Variants in UTY observed in about 807,000 individuals in gnomAD.
UTY encodes the protein ubiquitously transcribed tetratricopeptide repeat containing, Y-linked, also known as histone demethylase UTY.
Under a neutral mutation model 32.5 loss-of-function variants are expected in UTY, and 12 were observed. The observed-to-expected ratio is 0.37, with a 90% confidence interval of 0.24 to 0.60. UTY has a LOEUF of 0.60. Ranked by LOEUF, UTY falls within the 20% of genes least tolerant of loss-of-function variation. The probability of loss-of-function intolerance (pLI) is 0.69; values close to 1 mark genes in which losing one functional copy is unlikely to be tolerated. For missense variants in UTY, 303 were observed against 299.2 expected, an observed-to-expected ratio of 1.01 and a Z score of -0.09; for synonymous variants, 131 against 103.4, an observed-to-expected ratio of 1.27 and a Z score of -1.62.
At chrY:13,342,439 C>T (rs2061558440) in intron 17 of UTY, among the ~76,000 whole-genome samples, 2 of 33,759 alleles carry the variant, frequency 5.9e-5, no homozygotes, top group Admixed American at 2.7e-4. Flanking sequence ...ACTGCTTGGG[C>T]GAATTCCTGC....
At chrY:13,471,392 A>G (rs2078458517) in intron 2 of UTY, among the ~76,000 whole-genome samples, 1 of 33,602 alleles carries the variant, frequency 3.0e-5, no homozygotes, top group African/African-American at 1.2e-4. Context: ...CTCTTTCTGA[A>G]TTACTAAACC....
intron 27 of UTY, among the ~76,000 whole-genome samples, chrY:13,267,532 T>C: frequency 6.0e-5 from 2 of 33,334 alleles, no homozygotes; most frequent in Non-Finnish European, 1.5e-4. Context: ...TCATTTAAGG[T>C]TAATATTGTT....
At chrY:13,326,414 A>C in intron 18 of UTY, 64 bp from the exon 19 acceptor site, 1 of 319,876 alleles carries the variant, frequency 3.1e-6, no homozygotes, top group Non-Finnish European at 4.5e-6. Flanking sequence ...AAAAAAAAGA[A>C]AATCTGAATT....
chrY:13,294,774 G>A, intron 27 of UTY, among the ~76,000 whole-genome samples: 1 of 33,981 alleles, frequency 2.9e-5, no homozygotes, highest in Admixed American at 2.6e-4. Flanking sequence ...AGAAATACCT[G>A]AGGCTGGGGG....
At chrY:13,265,177 T>C (rs2055667148) in intron 27 of UTY, among the ~76,000 whole-genome samples, 1 of 33,851 alleles carries the variant, frequency 3.0e-5, no homozygotes, top group Non-Finnish European at 7.3e-5. Context: ...GGTAGTGTGA[T>C]GTTTCCAGCT....
chrY:13,331,228 C>T (rs756515558), intron 18 of UTY, among the ~76,000 whole-genome samples: 7 of 33,853 alleles, frequency 2.1e-4, no homozygotes, highest in Middle Eastern at 0.014. Context: ...GGAGAGACCT[C>T]ACACAGGACT....
intron 2 of UTY, among the ~76,000 whole-genome samples, chrY:13,473,392 A>G: frequency 5.9e-5 from 2 of 33,776 alleles, no homozygotes; most frequent in Non-Finnish European, 1.5e-4. Context: ...TCATATTCCC[A>G]GATAAACAAA....
chrY:13,369,880 G>A, intron 8 of UTY, among the ~76,000 whole-genome samples: 1 of 33,623 alleles, frequency 3.0e-5, no homozygotes. Context: ...AATAGATCAA[G>A]TACCACTATT....
At chrY:13,364,322 T>C in intron 10 of UTY, among the ~76,000 whole-genome samples, 1 of 32,789 alleles carries the variant, frequency 3.0e-5, no homozygotes, top group South Asian at 6.7e-4. Context: ...ACAGTTATAA[T>C]TGAATCCTCT....
chrY:13,350,444 C>T (rs1603428813), intron 17 of UTY, among the ~76,000 whole-genome samples: 1 of 32,428 alleles, frequency 3.1e-5, no homozygotes, highest in Non-Finnish European at 7.6e-5. Context: ...TCCTATATAC[C>T]GAACACAGCT....
chrY:13,465,576 T>C, intron 3 of UTY, among the ~76,000 whole-genome samples: 5 of 33,602 alleles, frequency 1.5e-4, no homozygotes, highest in Non-Finnish European at 2.9e-4. Flanking sequence ...AGCAAATTCA[T>C]TGTTTTATAC....
intron 21 of UTY, among the ~76,000 whole-genome samples, chrY:13,314,833 G>A: frequency 1.5e-4 from 5 of 33,966 alleles, no homozygotes; most frequent in Admixed American, 1.3e-3. Flanking sequence ...TAAATAAACT[G>A]GACTTCACAA....
At chrY:13,334,038 A>G (rs2149029980) in intron 18 of UTY, among the ~76,000 whole-genome samples, 1 of 33,617 alleles carries the variant, frequency 3.0e-5, no homozygotes, top group South Asian at 6.7e-4. Context: ...ATTGAGCACA[A>G]AAGAGATTCA....
intron 16 of UTY, chrY:13,355,624 A>T: frequency 2.8e-6 from 1 of 352,132 alleles, no homozygotes; most frequent in Non-Finnish European, 3.9e-6. Flanking sequence ...ATAAATAATG[A>T]TTCAAAAACT....
At chrY:13,335,479 T>C in intron 18 of UTY, 84 bp downstream of exon 18, 1 of 310,465 alleles carries the variant, frequency 3.2e-6, no homozygotes, top group Middle Eastern at 9.0e-4. Context: ...GTTACATTTC[T>C]TAACATATCA....
At chrY:13,284,408 G>A in intron 27 of UTY, among the ~76,000 whole-genome samples, 1 of 33,795 alleles carries the variant, frequency 3.0e-5, no homozygotes, top group African/African-American at 1.1e-4. Flanking sequence ...AGTTAAAAAA[G>A]TATCATCCAG....
chrY:13,435,950 T>C (rs2074510760), intron 4 of UTY, among the ~76,000 whole-genome samples: 1 of 32,838 alleles, frequency 3.0e-5, no homozygotes, highest in Non-Finnish European at 7.5e-5. Context: ...ACACAAATCG[T>C]GCCCTACCAG....
intron 10 of UTY, among the ~76,000 whole-genome samples, chrY:13,365,095 G>A: frequency 3.0e-5 from 1 of 33,291 alleles, no homozygotes; most frequent in Non-Finnish European, 7.4e-5. Context: ...TTTTTAAAAC[G>A]CTAGATATCA....
In UTY at chrY:13,335,923, G is replaced by A. The variant is rs774750078; in HGVS notation, c.2474C>T (p.Ser825Phe). Reference sequence around the variant, plus strand: ...ATTGGCTTTTCCAATCAACAAAGCAGAGAGCTGAGGATTGTCTGCAATTAA... The same window carrying A: ...ATTGGCTTTTCCAATCAACAAAGCAAAGAGCTGAGGATTGTCTGCAATTAA... ...NLLIADNPQL[S>F]ALLIGKANGN... Residue 825 changes from serine to phenylalanine, a missense_variant, in exon 18 of 30, where the codon TCT becomes TTT. Physicochemically the swap from Ser to Phe is radical, Grantham distance 155 (BLOSUM62 -2). Transcript: ENST00000545955. 5.0e-6 allele frequency: 2 copies of A among 399,147 alleles called. No individual in the cohort carries two copies. The highest frequency in any genetic ancestry group is 7.0e-6 in the Non-Finnish European group (2 of 283,700).
Sources: allele counts gnomAD v4.1 joint callset (sites outside exome capture counted in the v4.1 genomes callset), GRCh38; gene constraint gnomAD v4.1.1; transcripts MANE v1.5; gene names NCBI Gene and HGNC (gene_info 2026-07-23, HGNC 2026-07-21).